LUZP2: variants seen among roughly 807,000 people sequenced by gnomAD.
LUZP2 encodes leucine zipper protein 2.
A neutral mutation model predicts 51.6 loss-of-function variants in LUZP2; 52 were observed. The ratio of observed to expected loss-of-function variants is 1.01; its 90% CI spans 0.81 to 1.27. The LOEUF is 1.27. Among genes scored for constraint, LUZP2 ranks in the 50% most tolerant of loss-of-function variants. The pLI is 0.00. For synonymous variants in LUZP2, 154 were observed against 137.3 expected (o/e 1.12, Z -0.85); for missense variants, 436 against 395.4 (o/e 1.10, Z -0.87).
rs567369848 is a variant in LUZP2, at chr11:24,503,746, C to T, written c.62+6441C>T. 8.5e-5 allele frequency among the ~76,000 whole-genome samples: 13 copies of T among 152,302 alleles called. No homozygotes were observed. The South Asian group carries it at 1.7e-3, about 19-fold the overall frequency. Reference sequence around the variant, plus strand: ...ACAAACTAGAACCCAGAACTTTCCACTATATTCATTCTGTTCTGTTATGTG... The same window carrying T: ...ACAAACTAGAACCCAGAACTTTCCATTATATTCATTCTGTTCTGTTATGTG... On this transcript the variant is annotated intron_variant, in intron 1 of 11. Coordinates refer to ENST00000336930, the MANE Select transcript of LUZP2 (RefSeq NM_001009909.4).
At chr11:24,740,310 A>G (rs1454940993) in intron 4 of LUZP2, among the ~76,000 whole-genome samples, 2 of 152,172 alleles carry the variant, frequency 1.3e-5, no homozygotes, top group African/African-American at 2.4e-5. Context: ...ATAACTTTTG[A>G]AAGAGCACAA....
chr11:24,536,078 T>C (rs1443849857), intron 1 of LUZP2, among the ~76,000 whole-genome samples: 1 of 151,752 alleles, frequency 6.6e-6, no homozygotes, highest in Non-Finnish European at 1.5e-5. Context: ...TTCTGAGCAG[T>C]AGTTCTCCAC....
intron 1 of LUZP2, among the ~76,000 whole-genome samples, chr11:24,529,123 T>A (rs1315742822): frequency 1.3e-5 from 2 of 151,030 alleles, no homozygotes; most frequent in Admixed American, 1.3e-4. Context: ...TTCCAGTTTA[T>A]AAGTGTGTAT....
rs186948755 is a variant in LUZP2, at chr11:24,762,637, A to G, written c.334-609A>G. Among the ~76,000 whole-genome samples the G allele has an allele frequency of 2.6e-5, 4 of 152,278 alleles. No individual in the cohort carries two copies. The East Asian group carries it at 7.7e-4, about 29-fold the overall frequency. Reference sequence around the variant, plus strand: ...GGATTATAAAGATTATAAATTCTATAAAAAGTCTTGACCACTTACTATACT... The same window carrying G: ...GGATTATAAAGATTATAAATTCTATGAAAAGTCTTGACCACTTACTATACT... On this transcript the variant is annotated intron_variant, in intron 4 of 11. Coordinates refer to ENST00000336930, the MANE Select transcript of LUZP2 (RefSeq NM_001009909.4).
chr11:24,868,114 G>A (rs1195180027), intron 5 of LUZP2, among the ~76,000 whole-genome samples: 3 of 152,036 alleles, frequency 2.0e-5, no homozygotes, highest in Non-Finnish European at 4.4e-5. Flanking sequence ...GAAGAAAACC[G>A]GCATTTTTCA....
chr11:24,647,777 T>A (rs1163639212), intron 1 of LUZP2, among the ~76,000 whole-genome samples: 2 of 152,008 alleles, frequency 1.3e-5, no homozygotes, highest in Non-Finnish European at 2.9e-5. Context: ...AATTTTTACC[T>A]ACTTCAATTA....
At position 24,792,501 on chromosome 11, in the gene LUZP2, G is replaced by A. The variant is rs80222777; in HGVS notation, c.396+29193G>A. On this transcript the variant is annotated intron_variant, in intron 5 of 11. Coordinates refer to ENST00000336930, the MANE Select transcript of LUZP2 (RefSeq NM_001009909.4). Reference sequence around the variant, plus strand: ...ACCATTTATTGGACACGTACTCTATGTGGAGTGCTGTGTTGGTTTTTTTTG... The same window carrying A: ...ACCATTTATTGGACACGTACTCTATATGGAGTGCTGTGTTGGTTTTTTTTG... Among the ~76,000 whole-genome samples, 591 of 151,962 alleles carry A rather than the reference G, an allele frequency of 3.9e-3. 3 individuals carry two copies. The highest frequency in any genetic ancestry group is 0.013 in the African/African-American group (551 of 41,450).
chr11:25,062,428 TA>T (rs367774912), intron 10 of LUZP2, among the ~76,000 whole-genome samples: 2 of 145,162 alleles, frequency 1.4e-5, no homozygotes, highest in African/African-American at 4.9e-5. Context: ...CTATAAAGAA[TA>T]AAAAAATATA....
At chr11:24,755,809 C>A (rs1859751460) in intron 4 of LUZP2, among the ~76,000 whole-genome samples, 1 of 152,090 alleles carries the variant, frequency 6.6e-6, no homozygotes, top group South Asian at 2.1e-4. Flanking sequence ...CATCGCATGA[C>A]AAATAAAGAA....
intron 5 of LUZP2, among the ~76,000 whole-genome samples, chr11:24,787,942 A>C (rs1849294205): frequency 6.6e-6 from 1 of 151,666 alleles, no homozygotes; most frequent in Non-Finnish European, 1.5e-5. Flanking sequence ...TCCTTTCTTA[A>C]AGCAAGTTTT....
intron 5 of LUZP2, among the ~76,000 whole-genome samples, chr11:24,769,103 A>T (rs1333004530): frequency 6.6e-6 from 1 of 152,204 alleles, no homozygotes; most frequent in Non-Finnish European, 1.5e-5. Flanking sequence ...ATGAACCTAG[A>T]GGACATTGTG....
Position 24,563,613 on chromosome 11 carries a change from T to G in LUZP2, c.62+66308T>G, listed in dbSNP as rs540222689. On this transcript the variant is annotated intron_variant, in intron 1 of 11. Transcript: ENST00000336930. ...GTAGTCCCTTCTATCCTTTTGATTG[T>G]CGGCACAGTCATATGTTAACATGGA... Among the ~76,000 whole-genome samples, 302 of 152,260 alleles carry G rather than the reference T, an allele frequency of 2.0e-3. 3 individuals are homozygous for G. The highest frequency in any genetic ancestry group is 6.8e-3 in the Middle Eastern group (2 of 294).
At chr11:24,558,526 T>C (rs909370146) in intron 1 of LUZP2, among the ~76,000 whole-genome samples, 13 of 152,148 alleles carry the variant, frequency 8.5e-5, no homozygotes, top group African/African-American at 3.1e-4. Flanking sequence ...CTTATTGATA[T>C]CCTGAAACGC....
chr11:24,518,449 G>A (rs1248588503), intron 1 of LUZP2, among the ~76,000 whole-genome samples: 1 of 152,036 alleles, frequency 6.6e-6, no homozygotes, highest in Non-Finnish European at 1.5e-5. Flanking sequence ...ATTTGAGGGT[G>A]TTTTATCCTT....
At chr11:24,630,368 T>C (rs554532939) in intron 1 of LUZP2, among the ~76,000 whole-genome samples, 1 of 152,184 alleles carries the variant, frequency 6.6e-6, no homozygotes, top group East Asian at 1.9e-4. Flanking sequence ...TTTTTGTTTA[T>C]GGTGAGAAAT....
chr11:24,537,648 G>A (rs1421705006), intron 1 of LUZP2, among the ~76,000 whole-genome samples: 5 of 47,424 alleles, frequency 1.1e-4, no homozygotes, highest in African/African-American at 2.3e-4. Context: ...CACTTCTGAA[G>A]CAAAACGTGT....
At chr11:24,948,824 CATCTATCTATCTATCTATCTATCTATCT>C (rs67058181) in intron 7 of LUZP2, among the ~76,000 whole-genome samples, 43 of 122,542 alleles carry the variant, frequency 3.5e-4, no homozygotes, top group Non-Finnish European at 5.3e-4. Context: ...ATCTATCTAT[CATCTATCTATCTATCTATCTATCTATCT>C]ATCTATCTAT....
In LUZP2 at chr11:24,894,457, G is replaced by A. The variant is rs141991022; in HGVS notation, c.397-11534G>A. 3.8e-3 allele frequency among the ~76,000 whole-genome samples: 572 copies of A among 152,262 alleles called. 4 individuals are homozygous for A. The highest frequency in any genetic ancestry group is 0.013 in the African/African-American group (534 of 41,548). ...CCCAAAGTGTTGGGATTACAGGCAT[G>A]AGCCACCGTGCCCGGCCAGATAATT... On this transcript the variant is annotated intron_variant, in intron 5 of 11. Transcript: ENST00000336930.
intron 7 of LUZP2, among the ~76,000 whole-genome samples, chr11:24,961,670 T>C (rs11500139): frequency 0.99 from 151,203 of 152,246 alleles, 75,101 homozygotes; most frequent in Middle Eastern, 1. Context: ...TTCCTGATTA[T>C]AGCTCATTGA....
Sources: allele counts gnomAD v4.1 joint callset (sites outside exome capture counted in the v4.1 genomes callset), GRCh38; gene constraint gnomAD v4.1.1; transcripts MANE v1.5; gene names NCBI Gene and HGNC (gene_info 2026-07-23, HGNC 2026-07-21).